TULP4: variants seen among roughly 807,000 people sequenced by gnomAD.
The protein encoded by TULP4 is tubby-related protein 4.
A neutral mutation model predicts 129.0 loss-of-function variants in TULP4; 16 were observed. The ratio of observed to expected loss-of-function variants is 0.12; its 90% CI spans 0.08 to 0.19. TULP4 has a LOEUF of 0.19. TULP4 is among the 10% of genes least tolerant of loss of function. The pLI, the probability that TULP4 is intolerant of heterozygous loss-of-function variation, is 1.00. For synonymous variants in TULP4, 998 were observed against 854.0 expected, an observed-to-expected ratio of 1.17 and a Z score of -2.94; for missense variants, 1,842 against 2,059.1, an observed-to-expected ratio of 0.89 and a Z score of 2.04.
At chr6:158,491,571 C>T (rs963358302) in intron 9 of TULP4, among the ~76,000 whole-genome samples, 5 of 151,918 alleles carry the variant, frequency 3.3e-5, no homozygotes, top group South Asian at 4.2e-4. Context: ...CGGCTCACTG[C>T]AACCTCCACC....
At chr6:158,372,208 A>G (rs1011303465) in intron 1 of TULP4, among the ~76,000 whole-genome samples, 1 of 130,992 alleles carries the variant, frequency 7.6e-6, no homozygotes, top group Admixed American at 8.7e-5. Context: ...GGTGACTTCA[A>G]AAAAAACAAA....
At chr6:158,242,660 A>G (rs1583668982) in intron 1 of TULP4, 1 of 664,956 alleles carries the variant, frequency 1.5e-6, no homozygotes, top group East Asian at 2.8e-5. Flanking sequence ...CTTTCTGGAT[A>G]AGGCATATCA....
At chr6:158,361,507 T>TA (rs1346871496) in intron 1 of TULP4, among the ~76,000 whole-genome samples, 3 of 152,248 alleles carry the variant, frequency 2.0e-5, no homozygotes, top group Non-Finnish European at 4.4e-5. Context: ...CCTGACTTTT[T>TA]ATGACGTTTT....
intron 8 of TULP4, among the ~76,000 whole-genome samples, chr6:158,487,813 C>A (rs927999126): frequency 1.3e-5 from 2 of 152,252 alleles, no homozygotes; most frequent in African/African-American, 4.8e-5. Context: ...AAGCCATTTT[C>A]TTTGTCTCAT....
intron 1 of TULP4, among the ~76,000 whole-genome samples, chr6:158,408,627 A>G (rs1412952377): frequency 6.6e-6 from 1 of 152,160 alleles, no homozygotes; most frequent in African/African-American, 2.4e-5. Flanking sequence ...TGGTGGCCAC[A>G]GCTGTGCAGC....
chr6:158,298,670 G>T (rs1779080466), intron 1 of TULP4, among the ~76,000 whole-genome samples: 1 of 152,196 alleles, frequency 6.6e-6, no homozygotes, highest in Non-Finnish European at 1.5e-5. Context: ...TGGACAGTTT[G>T]ATTGTTCGTC....
In TULP4 at chr6:158,303,372, C is replaced by T. The variant is rs551507093; in HGVS notation, n.117-8679C>T. Among the ~76,000 whole-genome samples, 9 of 152,068 alleles carry T rather than the reference C, an allele frequency of 5.9e-5. No individual in the cohort carries two copies. In the East Asian group the frequency reaches 7.7e-4, roughly 13 times the overall value. On this transcript the variant is annotated intron_variant and non_coding_transcript_variant, in intron 1 of 1. Transcript: ENST00000432358. ...CACATGTCGGTAGGACCGTGATGCC[C>T]GCCTGAGCCTCAAACCAGCAAGTTT...
At chr6:158,437,099 G>A (rs1272746351) in intron 3 of TULP4, among the ~76,000 whole-genome samples, 2 of 152,116 alleles carry the variant, frequency 1.3e-5, no homozygotes, top group African/African-American at 4.8e-5. Context: ...GTGCACCTCT[G>A]GGACATCTGT....
rs867517283 is a variant in TULP4, at chr6:158,501,888, C to T, written c.2225C>T (p.Thr742Ile). 2.5e-6 allele frequency: 4 copies of T among 1,614,124 alleles called. No homozygotes were observed. In the South Asian group the frequency reaches 3.3e-5, roughly 13 times the overall value. The change falls in exon 13 of 14, where the codon ACC becomes ATC. Residue 742 changes from threonine to isoleucine, a missense_variant. Physicochemically the swap from Thr to Ile is moderately conservative, Grantham distance 89. This residue lies in a region of TULP4 where 1,089 missense variants were observed against 987.1 expected (regional missense o/e 1.10). Coordinates refer to ENST00000367097, the MANE Select transcript of TULP4 (RefSeq NM_020245.5). Reference protein sequence around the residue: ...GTAEHAGDSATQYPVSNRYSN... With the variant: ...GTAEHAGDSAIQYPVSNRYSN... The stretch of plus-strand genomic sequence containing the variant: ...GCAGAACATGCAGGTGACAGTGCCA[C>T]CCAGTACCCAGTCTCCAACCGGTAC...
intron 1 of TULP4, among the ~76,000 whole-genome samples, chr6:158,352,852 G>A (rs56115227): frequency 0.17 from 26,344 of 151,978 alleles, 2,709 homozygotes; most frequent in Middle Eastern, 0.26. Flanking sequence ...ATCACATTTG[G>A]CTTTGTTTTA....
chr6:158,278,426 A>G (rs1778684211), upstream of TULP4, among the ~76,000 whole-genome samples: 1 of 151,542 alleles, frequency 6.6e-6, no homozygotes, highest in African/African-American at 2.4e-5. Flanking sequence ...GTGTAAAATG[A>G]TCCAGCACTT....
chr6:158,333,058 CCTT>C (rs1340985548), intron 1 of TULP4, among the ~76,000 whole-genome samples: 11 of 152,034 alleles, frequency 7.2e-5, no homozygotes, highest in African/African-American at 1.7e-4. Flanking sequence ...TTTTGTAATC[CCTT>C]CTTCCATAGT....
chr6:158,244,835 A>T (rs1219408683), intron 1 of TULP4, among the ~76,000 whole-genome samples: 2 of 152,016 alleles, frequency 1.3e-5, no homozygotes, highest in African/African-American at 2.4e-5. Context: ...CTATTTATTT[A>T]TTTTTTATTT....
intron 5 of TULP4, among the ~76,000 whole-genome samples, chr6:158,453,029 GTAA>G (rs1779198591): frequency 6.6e-6 from 1 of 152,178 alleles, no homozygotes; most frequent in Admixed American, 6.5e-5. Context: ...GGGACCTCCT[GTAA>G]TCTGAATGAG....
At chr6:158,433,301 G>T (rs564396366) in intron 3 of TULP4, among the ~76,000 whole-genome samples, 5 of 152,310 alleles carry the variant, frequency 3.3e-5, no homozygotes, top group African/African-American at 1.2e-4. Flanking sequence ...ACTAGAGTTG[G>T]AGTAAACAAT....
At chr6:158,471,175 GCA>G (rs935793807) in intron 6 of TULP4, among the ~76,000 whole-genome samples, 1 of 151,276 alleles carries the variant, frequency 6.6e-6, no homozygotes, top group Non-Finnish European at 1.5e-5. Context: ...GGGAGCCAAA[GCA>G]CACACACACT....
intron 3 of TULP4, among the ~76,000 whole-genome samples, chr6:158,434,174 G>GC (rs1778698832): frequency 6.6e-6 from 1 of 152,042 alleles, no homozygotes; most frequent in South Asian, 2.1e-4. Flanking sequence ...CTCTTTACAG[G>GC]CCCCATCTCC....
chr6:158,460,674 A>G (rs943260189), intron 5 of TULP4, among the ~76,000 whole-genome samples: 2 of 152,240 alleles, frequency 1.3e-5, no homozygotes, highest in African/African-American at 2.4e-5. Context: ...AAGCCCCACA[A>G]CATCATCAAA....
At chr6:158,459,621 G>T (rs634282) in intron 5 of TULP4, among the ~76,000 whole-genome samples, 63,247 of 151,696 alleles carry the variant, frequency 0.42, 14,489 homozygotes, top group African/African-American at 0.62. Context: ...GTTGGGGAAA[G>T]CCACCTTGCA....
Sources: gnomAD v4.1 joint callset for allele counts (sites outside exome capture counted in the v4.1 genomes callset) on GRCh38, gnomAD v4.1.1 for gene constraint, gnomAD v4.1.1 regional missense constraint, MANE v1.5 for transcripts, NCBI Gene and HGNC (gene_info 2026-07-23, HGNC 2026-07-21) for gene names.